Variants in VTCN1 observed in about 807,000 individuals in gnomAD.
VTCN1 encodes V-set domain-containing T-cell activation inhibitor 1.
In VTCN1, 26 loss-of-function variants were observed where a neutral mutation model predicts 26.5. The ratio of observed to expected loss-of-function variants is 0.98; its 90% CI spans 0.72 to 1.36. The LOEUF is 1.36. Among genes scored for constraint, VTCN1 ranks in the 40% most tolerant of loss-of-function variants. VTCN1 has a pLI of 0.00. For missense variants in VTCN1, 298 were observed against 337.7 expected (o/e 0.88, Z 0.92); for synonymous variants, 116 against 130.7 (o/e 0.89, Z 0.77).
chr1:117,163,036 G>A (rs1156999241), intron 2 of VTCN1, among the ~76,000 whole-genome samples: 1 of 152,212 alleles, frequency 6.6e-6, no homozygotes, highest in Non-Finnish European at 1.5e-5. Context: ...GTCCAGATGG[G>A]CACCACAGTA....
rs1651479738 is a variant in VTCN1 at position 117,145,873 on chromosome 1, G to A, written c.*46-648C>T. 6.6e-6 allele frequency among the ~76,000 whole-genome samples: 1 copy of A among 152,118 alleles called. No individual in the cohort carries two copies. The highest frequency in any genetic ancestry group is 2.4e-5 in the African/African-American group (1 of 41,436). ...GGTTTTAAACTCCTGGGCTCAAGCA[G>A]TCCTCCCATCTTGGCCTCTCAAAGT... On this transcript the variant is annotated intron_variant, in intron 5 of 5. Coordinates refer to ENST00000369458, the MANE Select transcript of VTCN1 (RefSeq NM_024626.4). The surrounding 1 kb of genome is among the most constrained non-coding windows in gnomAD (Gnocchi z 4.6).
chr1:117,171,489 A>G (rs556837882), intron 1 of VTCN1, among the ~76,000 whole-genome samples: 3 of 152,252 alleles, frequency 2.0e-5, no homozygotes, highest in African/African-American at 7.2e-5. Flanking sequence ...AAGCGTTCCT[A>G]TTTCTCCACA....
At chr1:117,170,704 TA>T (rs1652864177) in intron 1 of VTCN1, among the ~76,000 whole-genome samples, 1 of 152,028 alleles carries the variant, frequency 6.6e-6, no homozygotes, top group Non-Finnish European at 1.5e-5. Flanking sequence ...TTTCTTTTAT[TA>T]AAAAAACAAA....
chr1:117,156,678 G>C lies in VTCN1; in HGVS notation c.341C>G (p.Ser114Cys), dbSNP rs766351302. Residue 114 changes from serine to cysteine, a missense_variant, in exon 3 of 6, where the codon TCT (serine) becomes TGT (cysteine). Ser to Cys is a moderately radical substitution (Grantham distance 112). Coordinates refer to ENST00000369458, the MANE Select transcript of VTCN1 (RefSeq NM_024626.4). ...FADQVIVGNA[S>C]LRLKNVQLTD... ...GAGTTGCACGTTTTTCAGCCGCAAA[G>C]AGGCATTGCCAACTATCACTTGATC... 2 of 1,614,042 alleles carry C rather than the reference G, an allele frequency of 1.2e-6. No homozygotes were observed. Among genetic ancestry groups the C allele is most frequent in the African/African-American group, 2.7e-5 (2 of 74,920 alleles).
intron 1 of VTCN1, among the ~76,000 whole-genome samples, chr1:117,186,199 A>G (rs888914574): frequency 1.3e-5 from 2 of 152,252 alleles, no homozygotes; most frequent in African/African-American, 4.8e-5. Context: ...TGAAAGGCAT[A>G]GTTTGGCTTC....
intron 1 of VTCN1, among the ~76,000 whole-genome samples, chr1:117,194,822 C>T (rs905687613): frequency 6.6e-6 from 1 of 152,132 alleles, no homozygotes; most frequent in Admixed American, 6.5e-5. Context: ...TAAAAAGTTA[C>T]ACTCATTGAA....
chr1:117,186,908 G>T (rs1557873634), intron 1 of VTCN1, among the ~76,000 whole-genome samples: 1 of 151,952 alleles, frequency 6.6e-6, no homozygotes, highest in Non-Finnish European at 1.5e-5. Flanking sequence ...CCCTGTTCTT[G>T]AATTCCTTAG....
At position 117,156,603 on chromosome 1, in the gene VTCN1, C is replaced by T; in HGVS notation, c.416G>A (p.Gly139Glu). ...AGTTTTATACTCAAGGTTAGCATTCCCCTTGCCTTTAGAAGTGATGATATA... is the reference window on the plus strand; with the variant it reads ...AGTTTTATACTCAAGGTTAGCATTCTCCTTGCCTTTAGAAGTGATGATATA... The part of the protein sequence containing the change: ...KCYIITSKGK[G>E]NANLEYKTGA... Residue 139 changes from glycine (G) to glutamate (E), a missense_variant, in exon 3 of 6, where the codon GGG becomes GAG. By Grantham distance (98) the Gly-to-Glu change is moderately conservative. Transcript: ENST00000369458. 6.2e-7 allele frequency: 1 copy of T among 1,606,060 alleles called. No individual in the cohort carries two copies. Among genetic ancestry groups the T allele is most frequent in the Non-Finnish European group, 8.5e-7 (1 of 1,175,954 alleles).
chr1:117,163,332 T>A (rs1652465326), intron 2 of VTCN1, among the ~76,000 whole-genome samples: 1 of 152,196 alleles, frequency 6.6e-6, no homozygotes, highest in Non-Finnish European at 1.5e-5. Context: ...CACCATTTTT[T>A]AAAATCTGTA....
chr1:117,178,921 C>G (rs1472855558), intron 1 of VTCN1, among the ~76,000 whole-genome samples: 1 of 151,984 alleles, frequency 6.6e-6, no homozygotes, highest in African/African-American at 2.4e-5. Flanking sequence ...GCACGTGGGC[C>G]CTGTGTATTC....
rs114396273 is a variant in VTCN1, at chr1:117,210,911, C to T, written c.-56G>A. The T allele has an allele frequency of 2.5e-6, 4 of 1,598,190 alleles. No individual in the cohort carries two copies. Among genetic ancestry groups the T allele is most frequent in the Non-Finnish European group, 3.4e-6 (4 of 1,166,212 alleles). On this transcript the variant is annotated 5_prime_UTR_variant, in exon 1 of 6. Transcript: ENST00000369458. ...ACTGGCTGAGTGGAGCTGCCGCTGC[C>T]TTCCTTGGTGACTCACAACCAGCTC...
intron 1 of VTCN1, 122 bp downstream of exon 1, chr1:117,210,702 T>C (rs946743037): frequency 9.2e-7 from 1 of 1,083,190 alleles, no homozygotes; most frequent in Admixed American, 1.9e-5. Flanking sequence ...GCTGGCCCAA[T>C]GCTGGATCAG....
rs140463657 is a variant in VTCN1, at chr1:117,194,417, G to T, written c.32+16407C>A. On this transcript the variant is annotated intron_variant, in intron 1 of 5. Transcript: ENST00000369458. Reference sequence around the variant, plus strand: ...GAAAAAGGAACATTTGTATACTATTGGTGGGAATGTAAATTGGTATAGTTA... The same window carrying T: ...GAAAAAGGAACATTTGTATACTATTTGTGGGAATGTAAATTGGTATAGTTA... Among the ~76,000 whole-genome samples, 205 of 152,234 alleles carry T rather than the reference G, an allele frequency of 1.3e-3. 2 individuals carry two copies. In the Middle Eastern group the frequency reaches 0.014, roughly 10 times the overall value.
At position 117,169,318 on chromosome 1, in the gene VTCN1, G is replaced by A. The variant is rs979116116; in HGVS notation, c.97+789C>T. On this transcript the variant is annotated intron_variant, in intron 2 of 5. Coordinates refer to ENST00000369458, the MANE Select transcript of VTCN1 (RefSeq NM_024626.4). This position sits in a 1 kb window ranked among gnomAD's most constrained non-coding sequence, Gnocchi z 4.0. ...AGAAACTAACCATCTGTGCTACAGCGGTATCTGTTTCCTACATGGTACAGT... is the reference window on the plus strand; with the variant it reads ...AGAAACTAACCATCTGTGCTACAGCAGTATCTGTTTCCTACATGGTACAGT... Among the ~76,000 whole-genome samples, 3 of 152,144 alleles carry A rather than the reference G, an allele frequency of 2.0e-5. No individual in the cohort carries two copies. The highest frequency in any genetic ancestry group is 2.1e-4 in the South Asian group (1 of 4,812).
intron 1 of VTCN1, among the ~76,000 whole-genome samples, chr1:117,210,212 T>TCAGCAGCAGCAGCAGCAG (rs71582595): frequency 1.8e-3 from 267 of 150,238 alleles, no homozygotes; most frequent in African/African-American, 6.1e-3. Flanking sequence ...TCTGGGGAGT[T>TCAGCAGCAGCAGCAGCAG]CAGCAGCAGC....
intron 2 of VTCN1, among the ~76,000 whole-genome samples, chr1:117,164,843 T>A (rs573404347): frequency 1.3e-5 from 2 of 152,308 alleles, no homozygotes; most frequent in Non-Finnish European, 2.9e-5. Context: ...TCCACAAGGG[T>A]TGTCCTTTAA....
chr1:117,170,259 T>C (rs759127509), intron 1 of VTCN1, 88 bp from the exon 2 acceptor site: 1 of 1,229,236 alleles, frequency 8.1e-7, no homozygotes, highest in Admixed American at 1.7e-5. Context: ...CTGTTGTGGA[T>C]AAGATGAGTT....
At chr1:117,171,689 T>G (rs1416187611) in intron 1 of VTCN1, among the ~76,000 whole-genome samples, 1 of 152,252 alleles carries the variant, frequency 6.6e-6, no homozygotes, top group Non-Finnish European at 1.5e-5. Flanking sequence ...CCAAGCAGCA[T>G]GTATAACTTA....
At chr1:117,150,279 G>C (rs1051786503) in intron 4 of VTCN1, among the ~76,000 whole-genome samples, 1 of 152,192 alleles carries the variant, frequency 6.6e-6, no homozygotes, top group African/African-American at 2.4e-5. Flanking sequence ...TCTTGAGTAA[G>C]AGATTTTTAA....
Sources: gnomAD v4.1 joint callset for allele counts (sites outside exome capture counted in the v4.1 genomes callset) on GRCh38, gnomAD v4.1.1 for gene constraint, Gnocchi (gnomAD v3.1) non-coding constraint, MANE v1.5 for transcripts, NCBI Gene and HGNC (gene_info 2026-07-23, HGNC 2026-07-21) for gene names.